MALRD1: variants seen among roughly 807,000 people sequenced by gnomAD.
The protein encoded by MALRD1 is MAM and LDL receptor class A domain containing 1.
Under a neutral mutation model 242.1 loss-of-function variants are expected in MALRD1, and 247 were observed. That is an observed-to-expected ratio of 1.02 (90% CI 0.92 to 1.13). MALRD1 has a LOEUF of 1.13. MALRD1 is among the 50% of genes most tolerant of loss of function. MALRD1 has a pLI of 0.00. For missense variants in MALRD1, 2,989 were observed against 2,533.1 expected, an observed-to-expected ratio of 1.18 and a Z score of -3.86; for synonymous variants, 995 against 866.6, an observed-to-expected ratio of 1.15 and a Z score of -2.60.
At chr10:19,405,411 C>T (rs371357233) in intron 28 of MALRD1, among the ~76,000 whole-genome samples, 22 of 152,248 alleles carry the variant, frequency 1.4e-4, no homozygotes, top group African/African-American at 5.3e-4. Flanking sequence ...CCTGCAACTT[C>T]CAACAATAGT....
At position 19,165,675 on chromosome 10, in the gene MALRD1, C is replaced by T; in HGVS notation, c.1695C>T (p.Leu565=). 1 of 1,231,646 alleles carries T rather than the reference C, an allele frequency of 8.1e-7. No individual in the cohort carries two copies. The highest frequency in any genetic ancestry group is 1.0e-6 in the Non-Finnish European group (1 of 987,942). 76.3% of individuals were successfully genotyped at this position (1,231,646 alleles called of 1,614,324 possible). ...ATCATTTGTCTCAACATTCAAATCT[C>T]TCAGTTTTTACAAGAACGTCTCTAG... The part of the protein sequence containing the change: ...FWYHLSQHSN[L]SVFTRTSLDG... Residue 565 remains leucine, a synonymous_variant, in exon 13 of 40, where the codon CTC becomes CTT. Transcript: ENST00000454679.
At chr10:19,390,578 A>G (rs1310145856) in intron 28 of MALRD1, among the ~76,000 whole-genome samples, 1 of 152,158 alleles carries the variant, frequency 6.6e-6, no homozygotes, top group Non-Finnish European at 1.5e-5. Context: ...GGAGATGTAT[A>G]TGTGCACGTG....
intron 21 of MALRD1, among the ~76,000 whole-genome samples, chr10:19,314,042 A>G (rs551234880): frequency 1.7e-4 from 26 of 151,752 alleles, no homozygotes; most frequent in Non-Finnish European, 3.4e-4. Flanking sequence ...AGAATTTCAT[A>G]TAGAAAAGCA....
chr10:19,055,890 C>A (rs929672182), intron 1 of MALRD1, among the ~76,000 whole-genome samples: 1 of 152,166 alleles, frequency 6.6e-6, no homozygotes, highest in African/African-American at 2.4e-5. Context: ...CCACCTATTG[C>A]GTACTATTCT....
At chr10:19,214,884 A>G (rs1482404456) in intron 18 of MALRD1, among the ~76,000 whole-genome samples, 1 of 152,216 alleles carries the variant, frequency 6.6e-6, no homozygotes, top group Non-Finnish European at 1.5e-5. Context: ...TTGTGGTGTT[A>G]GAGGACTCTC....
chr10:19,346,782 C>T (rs955326117), intron 24 of MALRD1, among the ~76,000 whole-genome samples: 1 of 152,100 alleles, frequency 6.6e-6, no homozygotes, highest in Non-Finnish European at 1.5e-5. Context: ...TCCCAAGTAG[C>T]TGGGACCACA....
intron 4 of MALRD1, among the ~76,000 whole-genome samples, chr10:19,094,291 G>A (rs1256040286): frequency 2.0e-5 from 2 of 100,830 alleles, no homozygotes; most frequent in African/African-American, 4.8e-5. Context: ...ATATAGTCTC[G>A]TGGTGCGCCG....
intron 1 of MALRD1, among the ~76,000 whole-genome samples, chr10:19,059,602 G>A (rs1306765034): frequency 6.6e-6 from 1 of 152,050 alleles, no homozygotes; most frequent in Non-Finnish European, 1.5e-5. Context: ...GTGTTGGCCA[G>A]GCTGGTCTTG....
intron 28 of MALRD1, among the ~76,000 whole-genome samples, chr10:19,440,211 T>G (rs1054228616): frequency 2.0e-5 from 3 of 152,210 alleles, no homozygotes; most frequent in Non-Finnish European, 4.4e-5. Flanking sequence ...TATATACTAG[T>G]TTTTAGTCCA....
intron 5 of MALRD1, among the ~76,000 whole-genome samples, chr10:19,112,818 A>G (rs1836726438): frequency 6.6e-6 from 1 of 152,192 alleles, no homozygotes; most frequent in South Asian, 2.1e-4. Context: ...CAGAAACTGA[A>G]AATCAACAAT....
At chr10:19,107,600 A>G (rs1161207858) in intron 5 of MALRD1, among the ~76,000 whole-genome samples, 1 of 146,764 alleles carries the variant, frequency 6.8e-6, no homozygotes, top group Non-Finnish European at 1.5e-5. Context: ...TCCACTCTAT[A>G]TATTTTGAAA....
At position 19,485,015 on chromosome 10, in the gene MALRD1, C is replaced by A. The variant is rs192265776; in HGVS notation, c.5030-6502C>A. Among the ~76,000 whole-genome samples, 11 of 152,250 alleles carry A rather than the reference C, an allele frequency of 7.2e-5. No homozygotes were observed. The South Asian group carries it at 2.1e-3, about 29-fold the overall frequency. Reference sequence around the variant, plus strand: ...GCCATACAAAATAATGAAATAAGGTCTTTTGCAGCAACTTGGATGGAACTG... The same window carrying A: ...GCCATACAAAATAATGAAATAAGGTATTTTGCAGCAACTTGGATGGAACTG... On this transcript the variant is annotated intron_variant, in intron 29 of 39. Coordinates refer to ENST00000454679, the MANE Select transcript of MALRD1 (RefSeq NM_001142308.3).
At chr10:19,519,046 T>C (rs1833764226) in intron 31 of MALRD1, among the ~76,000 whole-genome samples, 2 of 152,230 alleles carry the variant, frequency 1.3e-5, no homozygotes, top group Admixed American at 6.5e-5. Context: ...TCTCTCTTTT[T>C]CTGTCTTTTC....
At chr10:19,456,781 T>G (rs1266206828) in intron 29 of MALRD1, among the ~76,000 whole-genome samples, 1 of 147,488 alleles carries the variant, frequency 6.8e-6, no homozygotes, top group Non-Finnish European at 1.5e-5. Flanking sequence ...ATTTATTTAT[T>G]TATTTATTTT....
At chr10:19,395,391 A>G (rs914737077) in intron 28 of MALRD1, among the ~76,000 whole-genome samples, 1 of 152,320 alleles carries the variant, frequency 6.6e-6, no homozygotes, top group South Asian at 2.1e-4. Context: ...GAAAGGTGGG[A>G]CAACTTGAAG....
chr10:19,664,989 A>C (rs544673425), intron 36 of MALRD1, among the ~76,000 whole-genome samples: 100 of 152,258 alleles, frequency 6.6e-4, no homozygotes, highest in Admixed American at 2.3e-3. Flanking sequence ...ACACTTATTA[A>C]GATTGATTAT....
At chr10:19,723,545 A>G (rs1407418984) in intron 38 of MALRD1, among the ~76,000 whole-genome samples, 1 of 152,110 alleles carries the variant, frequency 6.6e-6, no homozygotes, top group Non-Finnish European at 1.5e-5. Flanking sequence ...GTTCAAGACC[A>G]GACTGGACAA....
chr10:19,527,427 G>A (rs981027820), intron 31 of MALRD1, among the ~76,000 whole-genome samples: 2 of 152,062 alleles, frequency 1.3e-5, no homozygotes, highest in African/African-American at 2.4e-5. Flanking sequence ...ATTTTAAATC[G>A]GAATTCAATT....
At chr10:19,049,251 G>T in intron 1 of MALRD1, 114 bp downstream of exon 1, 1 of 707,378 alleles carries the variant, frequency 1.4e-6, no homozygotes. Flanking sequence ...ATTGTATCTT[G>T]TATACCTTTA....
Sources: allele counts gnomAD v4.1 joint callset (sites outside exome capture counted in the v4.1 genomes callset), GRCh38; gene constraint gnomAD v4.1.1; transcripts MANE v1.5; gene names NCBI Gene and HGNC (gene_info 2026-07-23, HGNC 2026-07-21).